Variants in IL6R observed in about 807,000 individuals in gnomAD.
IL6R encodes interleukin-6 receptor subunit alpha.
A neutral mutation model predicts 48.3 loss-of-function variants in IL6R; 38 were observed. The observed-to-expected ratio is 0.79, with a 90% CI of 0.61 to 1.03. The LOEUF (loss-of-function observed/expected upper bound fraction) is 1.03. Ranked by LOEUF, IL6R falls within the 50% of genes least tolerant of loss-of-function variation. The probability of loss-of-function intolerance (pLI) is 0.00; values close to 1 mark genes in which losing one functional copy is unlikely to be tolerated. For synonymous variants in IL6R, 264 were observed against 256.2 expected (o/e 1.03, Z -0.29); for missense variants, 534 against 618.3 (o/e 0.86, Z 1.45).
At chr1:154,423,260 A>AATATATATATATATACATATAT (rs1688782613) in intron 1 of IL6R, among the ~76,000 whole-genome samples, 3 of 85,476 alleles carry the variant, frequency 3.5e-5, no homozygotes, top group Non-Finnish European at 7.7e-5. Context: ...TGTTTAATTA[A>AATATATATATATATACATATAT]ATATATATAT....
Position 154,465,220 on chromosome 1 carries a change from A to G in IL6R, c.1247A>G (p.Glu416Gly). The change falls in exon 10 of 10, where the codon GAG becomes GGG. Residue 416 changes from glutamate (E) to glycine (G), a missense_variant. Glu to Gly is a moderately conservative substitution (Grantham distance 98). Coordinates refer to ENST00000368485, the MANE Select transcript of IL6R (RefSeq NM_000565.4). ...PPYSLGQLVP[E>G]RPRPTPVLVP... ...TACTCTTTGGGGCAGCTGGTCCCGG[A>G]GAGGCCTCGACCCACCCCAGTGCTT... is the stretch of plus-strand genomic sequence containing the variant. 1 of 1,614,150 alleles carries G rather than the reference A, an allele frequency of 6.2e-7. No homozygotes were observed. Among genetic ancestry groups the G allele is most frequent in the Non-Finnish European group, 8.5e-7 (1 of 1,180,016 alleles).
intron 1 of IL6R, among the ~76,000 whole-genome samples, chr1:154,423,696 G>A (rs1688817630): frequency 6.6e-6 from 1 of 152,154 alleles, no homozygotes; most frequent in South Asian, 2.1e-4. Context: ...GCTGTGACAG[G>A]CAATACTTGC....
In IL6R at chr1:154,435,185, G is replaced by A. The variant is rs374104735; in HGVS notation, c.807+29G>A. Reference sequence around the variant, plus strand: ...AATTTATGTTTTACTTCTGGTCAGAGAGGCGCCCCTAGATGCTTAGGCGTA... The same window carrying A: ...AATTTATGTTTTACTTCTGGTCAGAAAGGCGCCCCTAGATGCTTAGGCGTA... On this transcript the variant is annotated intron_variant, in intron 5 of 9. Coordinates refer to ENST00000368485, the MANE Select transcript of IL6R (RefSeq NM_000565.4). 3.2e-4 allele frequency: 509 copies of A among 1,608,852 alleles called. 6 individuals carry two copies. In the South Asian group the frequency reaches 5.4e-3, roughly 17 times the overall value.
intron 6 of IL6R, among the ~76,000 whole-genome samples, chr1:154,442,367 T>C (rs1182857101): frequency 6.6e-6 from 1 of 152,062 alleles, no homozygotes; most frequent in Admixed American, 6.6e-5. Context: ...AAATGGGGAT[T>C]GTAGGCAGAG....
intron 1 of IL6R, among the ~76,000 whole-genome samples, chr1:154,407,272 C>T (rs1439529196): frequency 6.6e-6 from 1 of 152,174 alleles, no homozygotes; most frequent in African/African-American, 2.4e-5. Context: ...GCTGCTGTCA[C>T]GCCAGCCCAA....
intron 1 of IL6R, chr1:154,414,371 A>G: frequency 7.1e-7 from 1 of 1,404,064 alleles, no homozygotes; most frequent in South Asian, 1.2e-5. Flanking sequence ...GGCTCAGAAG[A>G]TCATCTCCAG....
chr1:154,442,484 T>A (rs1291463582), intron 6 of IL6R, among the ~76,000 whole-genome samples: 1 of 152,148 alleles, frequency 6.6e-6, no homozygotes, highest in African/African-American at 2.4e-5. Flanking sequence ...GAGGCCGGCC[T>A]TGGTGGGCCC....
chr1:154,418,714 C>G (rs1490431220), intron 1 of IL6R, among the ~76,000 whole-genome samples: 2 of 152,078 alleles, frequency 1.3e-5, no homozygotes, highest in African/African-American at 4.8e-5. Flanking sequence ...GGTGGGGTGA[C>G]TTGGGGAGGA....
intron 4 of IL6R, 141 bp downstream of exon 4, chr1:154,434,841 T>G (rs1689518900): frequency 8.5e-7 from 1 of 1,178,200 alleles, no homozygotes; most frequent in Non-Finnish European, 1.2e-6. Context: ...TGCCGGGAGG[T>G]GTGGCAATGA....
At chr1:154,418,119 C>T (rs1331202788) in intron 1 of IL6R, among the ~76,000 whole-genome samples, 1 of 152,210 alleles carries the variant, frequency 6.6e-6, no homozygotes, top group Non-Finnish European at 1.5e-5. Context: ...ATCCGCCAGC[C>T]TCAGCCTCCC....
intron 6 of IL6R, chr1:154,437,417 A>T (rs1436079172): frequency 4.4e-4 from 143 of 323,388 alleles, no homozygotes; most frequent in South Asian, 6.4e-4. Context: ...TTTAACTTAA[A>T]TTTTTTTTTT....
rs115095040 is a variant in IL6R, at chr1:154,435,832, C to A, written c.808-137C>A. On this transcript the variant is annotated intron_variant, in intron 5 of 9. Coordinates refer to ENST00000368485, the MANE Select transcript of IL6R (RefSeq NM_000565.4). ...GAGGGCAACCCCCTCTCTAGCAGAG[C>A]CTCTGGGGTTGTGGGAGCCTCTAGA... 2,042 of 682,222 alleles carry A rather than the reference C, an allele frequency of 3.0e-3. 40 individuals are homozygous for A. In the African/African-American group the frequency reaches 0.034, roughly 11 times the overall value. The allele number at this position is 682,222 out of a possible 1,614,324, so 42.3% of individuals were successfully genotyped here. A position where few individuals can be genotyped will look rare whatever the true frequency, so the allele number is the denominator to read the frequency against.
intron 8 of IL6R, among the ~76,000 whole-genome samples, chr1:154,452,565 G>A (rs1690644250): frequency 6.6e-6 from 1 of 152,182 alleles, no homozygotes; most frequent in Non-Finnish European, 1.5e-5. Flanking sequence ...GGGCGCGGTG[G>A]CTCACGCCTG....
At chr1:154,450,754 T>C (rs1436523982) in intron 8 of IL6R, among the ~76,000 whole-genome samples, 1 of 152,242 alleles carries the variant, frequency 6.6e-6, no homozygotes, top group African/African-American at 2.4e-5. Flanking sequence ...ACTTATGGAA[T>C]CCAGACTCCA....
chr1:154,429,572 C>T, intron 2 of IL6R, 128 bp downstream of exon 2: 1 of 1,107,302 alleles, frequency 9.0e-7, no homozygotes, highest in Non-Finnish European at 1.3e-6. Context: ...TGGGGAAGGC[C>T]CACCAATGTC....
chr1:154,447,213 T>G (rs1284589427), intron 6 of IL6R, among the ~76,000 whole-genome samples: 1 of 151,446 alleles, frequency 6.6e-6, no homozygotes, highest in Non-Finnish European at 1.5e-5. Flanking sequence ...CCAAAGCGGA[T>G]AGATCACCTG....
intron 1 of IL6R, among the ~76,000 whole-genome samples, chr1:154,406,228 T>G (rs933124337): frequency 6.6e-6 from 1 of 152,164 alleles, no homozygotes; most frequent in Non-Finnish European, 1.5e-5. Flanking sequence ...GCCCTGACTA[T>G]GAAGGGACTG....
intron 9 of IL6R, among the ~76,000 whole-genome samples, chr1:154,455,051 C>T (rs1690796037): frequency 6.6e-6 from 1 of 152,144 alleles, no homozygotes; most frequent in Admixed American, 6.5e-5. Flanking sequence ...ATAGCTGGGA[C>T]TGCAGGTGCA....
chr1:154,438,575 A>C (rs900093278), intron 6 of IL6R, among the ~76,000 whole-genome samples: 1 of 152,210 alleles, frequency 6.6e-6, no homozygotes, highest in African/African-American at 2.4e-5. Flanking sequence ...AAAAGGTAGA[A>C]TTGACATCAG....
Sources: allele counts gnomAD v4.1 joint callset (sites outside exome capture counted in the v4.1 genomes callset), GRCh38; gene constraint gnomAD v4.1.1; transcripts MANE v1.5; gene names NCBI Gene and HGNC (gene_info 2026-07-23, HGNC 2026-07-21).